PIP4K2A: variants seen among roughly 807,000 people sequenced by gnomAD.
PIP4K2A encodes the protein phosphatidylinositol 5-phosphate 4-kinase type-2 alpha.
Under a neutral mutation model 42.9 loss-of-function variants are expected in PIP4K2A, and 14 were observed. That is an observed-to-expected ratio of 0.33 (90% CI 0.22 to 0.51). PIP4K2A has a LOEUF of 0.51. PIP4K2A is among the 20% of genes least tolerant of loss of function. The pLI is 0.97. For missense variants in PIP4K2A, 434 were observed against 519.8 expected (o/e 0.83, Z 1.61); for synonymous variants, 192 against 192.2 (o/e 1.00, Z 0.01).
At position 22,541,899 on chromosome 10, in the gene PIP4K2A, G is replaced by C. The variant is rs1411175421; in HGVS notation, c.941C>G (p.Pro314Arg). ...SDGTHPVGTP[P>R]DSPGNTLNSS... ...GTTCAGTGTATTCCCGGGGCTATCT[G>C]GGGGGGTTCCCACCGGGTGGGTGCC... Residue 314 changes from proline to arginine, a missense_variant, in exon 8 of 10, where the codon CCA becomes CGA. Physicochemically the swap from Pro to Arg is moderately radical, Grantham distance 103 (BLOSUM62 -2). Coordinates refer to ENST00000376573, the MANE Select transcript of PIP4K2A (RefSeq NM_005028.5). The C allele has an allele frequency of 6.2e-7, 1 of 1,613,030 alleles. No individual in the cohort carries two copies. Among genetic ancestry groups the C allele is most frequent in the Non-Finnish European group, 8.5e-7 (1 of 1,179,400 alleles).
Position 22,665,809 on chromosome 10 carries a change from T to G in PIP4K2A, c.144+48374A>C, listed in dbSNP as rs1030923696. ...GATGCTATAAATATATTTATATATA[T>G]AGACATACACATATATATACATACA... On this transcript the variant is annotated intron_variant, in intron 1 of 9. Transcript: ENST00000376573. Among the ~76,000 whole-genome samples the G allele has an allele frequency of 2.0e-5, 3 of 151,788 alleles. No homozygotes were observed. The East Asian group carries it at 5.8e-4, about 29-fold the overall frequency.
chr10:22,667,873 G>C lies in PIP4K2A; in HGVS notation c.144+46310C>G, dbSNP rs950396984. Among the ~76,000 whole-genome samples the C allele has an allele frequency of 3.0e-4, 22 of 73,102 alleles. 1 individual carries two copies. Among genetic ancestry groups the C allele is most frequent in the Admixed American group, 2.3e-3 (22 of 9,362 alleles). 48.0% of individuals were successfully genotyped at this position (73,102 alleles called of 152,430 possible). ...AAGTTTTCAGTGAACTTCTGTGTGT[G>C]TGTGTGTGTGTGTGTGTGTGTGTGT... On this transcript the variant is annotated intron_variant, in intron 1 of 9. Coordinates refer to ENST00000376573, the MANE Select transcript of PIP4K2A (RefSeq NM_005028.5).
chr10:22,713,973 T>G (rs544690134), intron 1 of PIP4K2A: 34 of 502,932 alleles, frequency 6.8e-5, no homozygotes, highest in African/African-American at 6.3e-4. Flanking sequence ...GGGCCATAGA[T>G]CTAAAGGGGA....
intron 1 of PIP4K2A, among the ~76,000 whole-genome samples, chr10:22,691,452 T>A (rs1319302984): frequency 1.7e-5 from 2 of 116,978 alleles, no homozygotes; most frequent in African/African-American, 5.0e-5. Flanking sequence ...TGCATATGCA[T>A]CTTTATACCA....
intron 1 of PIP4K2A, among the ~76,000 whole-genome samples, chr10:22,671,313 T>G (rs1321606242): frequency 4.6e-5 from 7 of 152,250 alleles, no homozygotes; most frequent in South Asian, 4.2e-4. Flanking sequence ...AAGAAAGACC[T>G]GGTAAGCCTA....
At chr10:22,600,668 C>T (rs1026900501) in intron 3 of PIP4K2A, among the ~76,000 whole-genome samples, 3 of 152,272 alleles carry the variant, frequency 2.0e-5, no homozygotes, top group Admixed American at 1.3e-4. Flanking sequence ...TCGAATCACA[C>T]GGCCCAGGAG....
At chr10:22,626,112 G>A (rs1778313) in intron 1 of PIP4K2A, among the ~76,000 whole-genome samples, 8,886 of 152,170 alleles carry the variant, frequency 0.058, 423 homozygotes, top group African/African-American at 0.13. Context: ...GGCCTGGTGG[G>A]AGGCTGCATT....
chr10:22,597,923 T>C (rs1837668499), intron 3 of PIP4K2A, among the ~76,000 whole-genome samples: 1 of 152,184 alleles, frequency 6.6e-6, no homozygotes. Context: ...CTGTCTGTCT[T>C]CAGGAGAAAG....
chr10:22,627,591 T>TAAATAAAAAAAAAAA (rs1838469660), intron 1 of PIP4K2A, among the ~76,000 whole-genome samples: 2 of 57,032 alleles, frequency 3.5e-5, no homozygotes, highest in South Asian at 1.7e-3. Context: ...TAATATGTAA[T>TAAATAAAAAAAAAAA]AAAAAAAAAA....
intron 4 of PIP4K2A, among the ~76,000 whole-genome samples, chr10:22,582,541 A>C (rs1205539547): frequency 2.0e-5 from 3 of 152,252 alleles, no homozygotes; most frequent in Non-Finnish European, 4.4e-5. Context: ...AAAAAGCTTG[A>C]AGTGACAATT....
intron 4 of PIP4K2A, among the ~76,000 whole-genome samples, chr10:22,580,919 G>A (rs937277989): frequency 6.6e-6 from 1 of 152,150 alleles, no homozygotes; most frequent in African/African-American, 2.4e-5. Context: ...GGCCCGGGAG[G>A]CTCCTTTGTA....
At chr10:22,589,268 G>C (rs182205399) in intron 4 of PIP4K2A, among the ~76,000 whole-genome samples, 10 of 152,076 alleles carry the variant, frequency 6.6e-5, no homozygotes, top group African/African-American at 2.4e-4. Context: ...ATTTCCAGAG[G>C]GGAAAAAATG....
At chr10:22,611,186 T>C (rs1428228605) in intron 1 of PIP4K2A, among the ~76,000 whole-genome samples, 2 of 152,098 alleles carry the variant, frequency 1.3e-5, no homozygotes, top group Admixed American at 6.6e-5. Context: ...CCCAGGACTT[T>C]GAGACCAGCC....
chr10:22,553,143 G>C (rs1428902395), intron 6 of PIP4K2A, among the ~76,000 whole-genome samples: 1 of 152,146 alleles, frequency 6.6e-6, no homozygotes, highest in East Asian at 1.9e-4. Context: ...ATTTAGATTG[G>C]ATCAAGCTCA....
chr10:22,536,366 G>A lies in PIP4K2A; in HGVS notation c.*835C>T, dbSNP rs1379380766. 1 of 358,336 alleles carries A rather than the reference G, an allele frequency of 2.8e-6. No individual in the cohort carries two copies. Among genetic ancestry groups the A allele is most frequent in the African/African-American group, 2.1e-5 (1 of 47,872 alleles). The allele number at this position is 358,336 out of a possible 1,614,324, so 22.2% of individuals were successfully genotyped here. The stretch of plus-strand genomic sequence containing the variant: ...GTAAGGGTGAACAATGAAGGCTCCA[G>A]GCAAGAAAAGAGAAGTAAGCAGTTT... On this transcript the variant is annotated 3_prime_UTR_variant, in exon 10 of 10. Coordinates refer to ENST00000376573, the MANE Select transcript of PIP4K2A (RefSeq NM_005028.5).
At chr10:22,698,058 T>C (rs564369717) in intron 1 of PIP4K2A, among the ~76,000 whole-genome samples, 4 of 152,244 alleles carry the variant, frequency 2.6e-5, no homozygotes, top group East Asian at 3.9e-4. Flanking sequence ...ACTCTCTGCT[T>C]AGAGTCCGAC....
At chr10:22,656,281 G>A (rs921675070) in intron 1 of PIP4K2A, among the ~76,000 whole-genome samples, 2 of 152,140 alleles carry the variant, frequency 1.3e-5, no homozygotes, top group African/African-American at 2.4e-5. Flanking sequence ...GGCCCCTCTC[G>A]AATTCCCAGT....
At chr10:22,555,236 T>C (rs955698367) in intron 6 of PIP4K2A, among the ~76,000 whole-genome samples, 1 of 152,068 alleles carries the variant, frequency 6.6e-6, no homozygotes, top group African/African-American at 2.4e-5. Context: ...GCTGCCTGGG[T>C]TGTAGCTCCG....
chr10:22,658,313 T>A (rs536149592), intron 1 of PIP4K2A, among the ~76,000 whole-genome samples: 2 of 152,278 alleles, frequency 1.3e-5, no homozygotes, highest in East Asian at 3.9e-4. Flanking sequence ...AATACTTGGA[T>A]AACAAGCAAG....
Sources: allele counts gnomAD v4.1 joint callset (sites outside exome capture counted in the v4.1 genomes callset), GRCh38; gene constraint gnomAD v4.1.1; transcripts MANE v1.5; gene names NCBI Gene and HGNC (gene_info 2026-07-23, HGNC 2026-07-21).